CHD6: variants seen among roughly 807,000 people sequenced by gnomAD.
CHD6 encodes the protein chromodomain helicase DNA binding protein 6.
CHD6 carries 50 observed loss-of-function variants against 276.9 expected under a neutral mutation model. That is an observed-to-expected ratio of 0.18 (90% CI 0.14 to 0.23). The LOEUF is 0.23. Ranked by LOEUF, CHD6 falls within the 10% of genes least tolerant of loss-of-function variation. The pLI is 1.00. For synonymous variants in CHD6, 1,173 were observed against 1,229.3 expected (o/e 0.95, Z 0.96); for missense variants, 2,564 against 3,365.8 (o/e 0.76, Z 5.89).
chr20:41,491,001 GAATGGAGCTTATAGGA>G (rs2043539051), intron 11 of CHD6, among the ~76,000 whole-genome samples: 1 of 152,016 alleles, frequency 6.6e-6, no homozygotes, highest in South Asian at 2.1e-4. Context: ...GACTTACCAT[GAATGGAGCTTATAGGA>G]CTGGAAGTTG....
At chr20:41,457,726 G>C (rs921192223) in intron 17 of CHD6, among the ~76,000 whole-genome samples, 1 of 152,228 alleles carries the variant, frequency 6.6e-6, no homozygotes, top group Non-Finnish European at 1.5e-5. Flanking sequence ...CAACTTGTGA[G>C]TGGCACACAT....
At chr20:41,508,780 T>C (rs2044039698) in intron 5 of CHD6, among the ~76,000 whole-genome samples, 1 of 152,032 alleles carries the variant, frequency 6.6e-6, no homozygotes, top group African/African-American at 2.4e-5. Context: ...AGGAGCCCTT[T>C]CTGAGGGTTT....
chr20:41,478,024 C>A (rs1030318448), intron 16 of CHD6, among the ~76,000 whole-genome samples: 1 of 152,162 alleles, frequency 6.6e-6, no homozygotes, highest in Non-Finnish European at 1.5e-5. Context: ...ACCCCTCCCC[C>A]ACAATTAGCT....
chr20:41,535,633 A>G (rs1358919074), intron 2 of CHD6, among the ~76,000 whole-genome samples: 1 of 152,174 alleles, frequency 6.6e-6, no homozygotes, highest in Non-Finnish European at 1.5e-5. Flanking sequence ...CTGAGGTGGG[A>G]GAACCACTTG....
At chr20:41,420,301 AT>A (rs1467862700) in intron 31 of CHD6, among the ~76,000 whole-genome samples, 1 of 152,120 alleles carries the variant, frequency 6.6e-6, no homozygotes, top group Non-Finnish European at 1.5e-5. Flanking sequence ...AACTGCTATG[AT>A]TGTCTATGAT....
At chr20:41,501,408 C>G (rs1399749162) in intron 5 of CHD6, among the ~76,000 whole-genome samples, 1 of 152,058 alleles carries the variant, frequency 6.6e-6, no homozygotes, top group Non-Finnish European at 1.5e-5. Context: ...AATCCTGTGC[C>G]CTCACTGTAA....
intron 16 of CHD6, among the ~76,000 whole-genome samples, chr20:41,483,065 AT>A (rs1007696236): frequency 1.5e-4 from 22 of 150,820 alleles, no homozygotes; most frequent in Non-Finnish European, 2.1e-4. Flanking sequence ...AATATGTGGA[AT>A]TTTTTTTTTA....
rs1250157342 is a variant in CHD6 at position 41,514,791 on chromosome 20, G to C, written c.702+14C>G. 1 of 1,612,566 alleles carries C rather than the reference G, an allele frequency of 6.2e-7. No individual in the cohort carries two copies. The highest frequency in any genetic ancestry group is 2.2e-5 in the East Asian group (1 of 44,838). ...AGCCGTAATCTCCACCAGGCCTCCCGGTCACAGCTGTACCTGGCTGTCTGT... is the reference window on the plus strand; with the variant it reads ...AGCCGTAATCTCCACCAGGCCTCCCCGTCACAGCTGTACCTGGCTGTCTGT... On this transcript the variant is annotated intron_variant, in intron 4 of 36. Coordinates refer to ENST00000373233, the MANE Select transcript of CHD6 (RefSeq NM_032221.5).
rs778038126 is a variant in CHD6, at chr20:41,512,885, T to C, written c.813A>G (p.Thr271=). The stretch of plus-strand genomic sequence containing the variant: ...CCAGTGTAGAGGCTGAGAGTGCAGA[T>C]GTTCGACCAGCTCCAAGAACAGCAA... ...ETIAVLGAGR[T]SALSASTLAW... The change falls in exon 5 of 37, where the codon ACA becomes ACG. Residue 271 remains threonine (T), a synonymous_variant. Coordinates refer to ENST00000373233, the MANE Select transcript of CHD6 (RefSeq NM_032221.5). The C allele has an allele frequency of 3.1e-6, 5 of 1,614,104 alleles. No individual in the cohort carries two copies. The highest frequency in any genetic ancestry group is 1.7e-5 in the Admixed American group (1 of 60,018).
intron 1 of CHD6, among the ~76,000 whole-genome samples, chr20:41,584,696 T>C (rs1023658543): frequency 2.0e-5 from 3 of 152,068 alleles, no homozygotes; most frequent in Non-Finnish European, 2.9e-5. Flanking sequence ...ATAAAACACA[T>C]TTCTAGACAA....
In CHD6 at chr20:41,404,443, AT is replaced by A. The variant is rs2046611247; in HGVS notation, c.*149del. The A allele has an allele frequency of 7.4e-7, 1 of 1,345,462 alleles. No individual in the cohort carries two copies. The allele number at this position is 1,345,462 out of a possible 1,614,324, so 83.3% of individuals were successfully genotyped here. A position where few individuals can be genotyped will look rare whatever the true frequency, so the allele number is the denominator to read the frequency against. ...GTGGTGAGACCCTGCAACTATTAAC[AT>A]CTGTTACCATAGTTCTCAGACAGGA... On this transcript the variant is annotated 3_prime_UTR_variant, in exon 37 of 37. Transcript: ENST00000373233.
intron 3 of CHD6, among the ~76,000 whole-genome samples, chr20:41,519,755 C>T (rs936547859): frequency 6.6e-6 from 1 of 152,136 alleles, no homozygotes; most frequent in African/African-American, 2.4e-5. Context: ...ATTCAGGACA[C>T]AGGCATGGGC....
In CHD6 at chr20:41,553,882, GCTCACAC is replaced by G. The variant is rs538125507; in HGVS notation, c.-23-2529_-23-2523del. Among the ~76,000 whole-genome samples the G allele has an allele frequency of 2.8e-4, 42 of 152,300 alleles. No homozygotes were observed. In the South Asian group the frequency reaches 8.7e-3, roughly 32 times the overall value. On this transcript the variant is annotated intron_variant, in intron 1 of 36. Transcript: ENST00000373233. ...AATTACAGAAAGGTCAGGTACAATG[GCTCACAC>G]CTGTAATCCCAGCACTTTGGGAGGC...
At chr20:41,462,250 T>C (rs2145723722) in intron 17 of CHD6, among the ~76,000 whole-genome samples, 1 of 152,352 alleles carries the variant, frequency 6.6e-6, no homozygotes, top group African/African-American at 2.4e-5. Context: ...TCTGTATTTC[T>C]TTAATCATGT....
intron 17 of CHD6, among the ~76,000 whole-genome samples, chr20:41,470,063 C>A (rs2043018746): frequency 6.6e-6 from 1 of 152,210 alleles, no homozygotes; most frequent in Non-Finnish European, 1.5e-5. Context: ...AGGGCAAATG[C>A]CAAGGGGCGT....
chr20:41,591,654 T>C (rs1224077698), intron 1 of CHD6, among the ~76,000 whole-genome samples: 5 of 151,826 alleles, frequency 3.3e-5, no homozygotes, highest in South Asian at 4.2e-4. Context: ...GATTGCACCA[T>C]TGCACTCCAG....
Position 41,544,536 on chromosome 20 carries a change from TG to T in CHD6, c.33+6768del, listed in dbSNP as rs1181079045. Among the ~76,000 whole-genome samples the T allele has an allele frequency of 9.2e-5, 14 of 152,124 alleles. 1 individual carries two copies. The highest frequency in any genetic ancestry group is 9.2e-4 in the Admixed American group (14 of 15,280). ...TAGCAGCTTATTTCCATTAAAATTTTGTGTCTGTCTCATAAATGCTAGTGAC... is the reference window on the plus strand; with the variant it reads ...TAGCAGCTTATTTCCATTAAAATTTTTGTCTGTCTCATAAATGCTAGTGAC... On this transcript the variant is annotated intron_variant, in intron 2 of 36. Transcript: ENST00000373233.
Position 41,533,573 on chromosome 20 carries a change from G to GT in CHD6, c.34-4dup, listed in dbSNP as rs770088738. On this transcript the variant is annotated splice_region_variant and splice_polypyrimidine_tract_variant and intron_variant, in intron 2 of 36. Transcript: ENST00000373233. ...TTCAAAACTTTTAAATTTGACAACT[G>GT]TAAAAGAAAGAGAAACAAGCATATT... 2.9e-5 allele frequency: 46 copies of GT among 1,593,112 alleles called. No homozygotes were observed. The highest frequency in any genetic ancestry group is 3.5e-5 in the Non-Finnish European group (41 of 1,174,592).
intron 16 of CHD6, among the ~76,000 whole-genome samples, chr20:41,479,474 T>A (rs1429738593): frequency 6.6e-6 from 1 of 151,902 alleles, no homozygotes; most frequent in Non-Finnish European, 1.5e-5. Flanking sequence ...GAACTTTTCA[T>A]AAGAAACCAC....
Sources: allele counts gnomAD v4.1 joint callset (sites outside exome capture counted in the v4.1 genomes callset), GRCh38; gene constraint gnomAD v4.1.1; transcripts MANE v1.5; gene names NCBI Gene and HGNC (gene_info 2026-07-23, HGNC 2026-07-21).